MACROD2: variants seen among roughly 807,000 people sequenced by gnomAD.
MACROD2 encodes ADP-ribose glycohydrolase MACROD2.
In MACROD2, 36 loss-of-function variants were observed where a neutral mutation model predicts 70.4. The observed-to-expected ratio is 0.51, with a 90% confidence interval of 0.39 to 0.68. The LOEUF is 0.68. Among genes scored for constraint, MACROD2 ranks in the 30% least tolerant of loss-of-function variants. MACROD2 has a pLI of 0.00. For missense variants in MACROD2, 496 were observed against 538.4 expected (o/e 0.92, Z 0.78); for synonymous variants, 172 against 178.8 (o/e 0.96, Z 0.30).
chr20:14,164,229 CTG>C (rs1192180002), intron 3 of MACROD2, among the ~76,000 whole-genome samples: 1 of 152,040 alleles, frequency 6.6e-6, no homozygotes, highest in African/African-American at 2.4e-5. Context: ...TCAGTGGTGT[CTG>C]TGATTTCTTT....
At chr20:14,615,478 A>T (rs1257460836) in intron 4 of MACROD2, among the ~76,000 whole-genome samples, 1 of 152,116 alleles carries the variant, frequency 6.6e-6, no homozygotes, top group Non-Finnish European at 1.5e-5. Flanking sequence ...TTACTTTTTC[A>T]AATGGATGCC....
At chr20:15,654,305 G>A (rs1203031956) in intron 8 of MACROD2, among the ~76,000 whole-genome samples, 1 of 152,126 alleles carries the variant, frequency 6.6e-6, no homozygotes, top group Non-Finnish European at 1.5e-5. Flanking sequence ...TGACCTCCTG[G>A]TAAGTGGGTG....
intron 3 of MACROD2, among the ~76,000 whole-genome samples, chr20:14,186,058 C>T (rs910873566): frequency 3.3e-5 from 5 of 152,102 alleles, no homozygotes; most frequent in Admixed American, 1.3e-4. Context: ...ATAGCTCTAT[C>T]CCTGGCCTTT....
At chr20:14,550,787 T>G (rs1978601029) in intron 4 of MACROD2, among the ~76,000 whole-genome samples, 1 of 152,236 alleles carries the variant, frequency 6.6e-6, no homozygotes, top group African/African-American at 2.4e-5. Context: ...ATAGTCAGTA[T>G]TCAATGGCCT....
chr20:15,391,299 C>A lies in MACROD2; in HGVS notation c.541-40106C>A, dbSNP rs150271626. Among the ~76,000 whole-genome samples the A allele has an allele frequency of 8.6e-4, 131 of 152,268 alleles. 1 individual carries two copies. Among genetic ancestry groups the A allele is most frequent in the African/African-American group, 2.9e-3 (121 of 41,544 alleles). Reference sequence around the variant, plus strand: ...CTTTTGTGTGCTGCCTTTTAAAAAGCAAAATATTTAATGGCAGTAAAAAAT... The same window carrying A: ...CTTTTGTGTGCTGCCTTTTAAAAAGAAAAATATTTAATGGCAGTAAAAAAT... On this transcript the variant is annotated intron_variant, in intron 6 of 17. Transcript: ENST00000684519.
chr20:14,863,041 G>C (rs1394357240), intron 5 of MACROD2, among the ~76,000 whole-genome samples: 1 of 151,812 alleles, frequency 6.6e-6, no homozygotes, highest in Non-Finnish European at 1.5e-5. Context: ...TTTCTAATAA[G>C]GTATTATTAG....
chr20:15,614,958 A>G (rs1482236625), intron 8 of MACROD2, among the ~76,000 whole-genome samples: 1 of 152,180 alleles, frequency 6.6e-6, no homozygotes, highest in Admixed American at 6.5e-5. Flanking sequence ...CCTCTGAGGT[A>G]ACTTTGTCTC....
At chr20:15,903,956 TGAGAGAAAGAGAGG>T (rs2065104003) in intron 10 of MACROD2, among the ~76,000 whole-genome samples, 1 of 152,196 alleles carries the variant, frequency 6.6e-6, no homozygotes, top group Non-Finnish European at 1.5e-5. Flanking sequence ...ATGTGGCATG[TGAGAGAAAGAGAGG>T]AGGCATAGAT....
intron 7 of MACROD2, among the ~76,000 whole-genome samples, chr20:15,493,157 G>A (rs903902477): frequency 3.9e-5 from 6 of 152,034 alleles, no homozygotes; most frequent in Admixed American, 6.6e-5. Flanking sequence ...TGTGAGTTTC[G>A]CCTGGACATT....
chr20:14,809,526 T>A (rs913859715), intron 5 of MACROD2, among the ~76,000 whole-genome samples: 1 of 151,390 alleles, frequency 6.6e-6, no homozygotes, highest in Non-Finnish European at 1.5e-5. Context: ...TTAAAAGAAC[T>A]AGAGAAGCAA....
At chr20:15,214,428 C>G (rs2076791093) in intron 5 of MACROD2, among the ~76,000 whole-genome samples, 1 of 152,078 alleles carries the variant, frequency 6.6e-6, no homozygotes, top group Non-Finnish European at 1.5e-5. Flanking sequence ...CATTGCAAGC[C>G]TGTAATCCCA....
intron 3 of MACROD2, among the ~76,000 whole-genome samples, chr20:14,480,362 G>A (rs1406521638): frequency 1.3e-5 from 2 of 152,016 alleles, no homozygotes; most frequent in Non-Finnish European, 2.9e-5. Flanking sequence ...TGAAACTAAG[G>A]ATTAATATTA....
chr20:15,858,404 A>G (rs997423324), intron 8 of MACROD2, among the ~76,000 whole-genome samples: 3 of 152,138 alleles, frequency 2.0e-5, no homozygotes, highest in Admixed American at 1.3e-4. Context: ...TACAAGTCAG[A>G]TTTCCAATCT....
chr20:15,390,747 C>T (rs1329015395), intron 6 of MACROD2, among the ~76,000 whole-genome samples: 3 of 152,016 alleles, frequency 2.0e-5, no homozygotes, highest in African/African-American at 7.2e-5. Context: ...AAAATGTTTG[C>T]ATTTTAAATG....
chr20:15,648,965 A>G (rs1055215974), intron 8 of MACROD2, among the ~76,000 whole-genome samples: 2 of 152,190 alleles, frequency 1.3e-5, no homozygotes, highest in Non-Finnish European at 2.9e-5. Context: ...AGGTCACTGG[A>G]TAGTCCAGAA....
At chr20:14,651,289 G>A (rs1932957) in intron 4 of MACROD2, among the ~76,000 whole-genome samples, 16,509 of 152,018 alleles carry the variant, frequency 0.11, 1,440 homozygotes, top group South Asian at 0.28. Context: ...GCTTAAGAAA[G>A]GAGTTCAACA....
chr20:14,271,847 A>G (rs2082199165), intron 3 of MACROD2, among the ~76,000 whole-genome samples: 1 of 152,228 alleles, frequency 6.6e-6, no homozygotes, highest in South Asian at 2.1e-4. Context: ...CGTGAAGAAC[A>G]CAGAAGCCTC....
chr20:15,145,782 A>G (rs1003163361), intron 5 of MACROD2, among the ~76,000 whole-genome samples: 1 of 152,024 alleles, frequency 6.6e-6, no homozygotes, highest in Admixed American at 6.5e-5. Flanking sequence ...TTTGTTTTTA[A>G]TGTTTAAAAA....
intron 4 of MACROD2, among the ~76,000 whole-genome samples, chr20:14,638,823 G>T (rs977764076): frequency 2.0e-5 from 3 of 151,988 alleles, no homozygotes; most frequent in African/African-American, 7.2e-5. Flanking sequence ...GGTGGCATGT[G>T]CCTGTAGTCC....
Sources: allele counts gnomAD v4.1 joint callset (sites outside exome capture counted in the v4.1 genomes callset), GRCh38; gene constraint gnomAD v4.1.1; transcripts MANE v1.5; gene names NCBI Gene and HGNC (gene_info 2026-07-23, HGNC 2026-07-21).